Variants in BMP6 observed in about 807,000 individuals in gnomAD.
The protein encoded by BMP6 is VG-1-R.
Under a neutral mutation model 54.1 loss-of-function variants are expected in BMP6, and 17 were observed. The ratio of observed to expected loss-of-function variants is 0.31; its 90% CI spans 0.22 to 0.47. The LOEUF is 0.47. BMP6 is among the 20% of genes least tolerant of loss of function. BMP6 has a pLI of 1.00. For missense variants in BMP6, 720 were observed against 690.4 expected, an observed-to-expected ratio of 1.04 and a Z score of -0.48; for synonymous variants, 328 against 291.2, an observed-to-expected ratio of 1.13 and a Z score of -1.28.
intron 1 of BMP6, among the ~76,000 whole-genome samples, chr6:7,786,931 G>A (rs192863588): frequency 9.2e-5 from 14 of 152,256 alleles, no homozygotes; most frequent in Non-Finnish European, 1.9e-4. Context: ...AGGAAGAGCA[G>A]GAATAATTAA....
chr6:7,834,785 C>G (rs1358957182), intron 1 of BMP6, among the ~76,000 whole-genome samples: 1 of 152,230 alleles, frequency 6.6e-6, no homozygotes, highest in Admixed American at 6.5e-5. Context: ...TTACCTAAAT[C>G]TAGTCCAGAG....
chr6:7,774,958 C>T (rs1757842487), intron 1 of BMP6, among the ~76,000 whole-genome samples: 1 of 152,218 alleles, frequency 6.6e-6, no homozygotes, highest in East Asian at 1.9e-4. Flanking sequence ...GGTGGAATGG[C>T]AAGAGAACAC....
intron 1 of BMP6, among the ~76,000 whole-genome samples, chr6:7,784,814 C>G (rs1757998339): frequency 6.6e-6 from 1 of 152,148 alleles, no homozygotes; most frequent in Non-Finnish European, 1.5e-5. Context: ...GACCAGCTGT[C>G]CCCAAGGAGC....
At chr6:7,779,769 T>C (rs1757914641) in intron 1 of BMP6, among the ~76,000 whole-genome samples, 1 of 152,170 alleles carries the variant, frequency 6.6e-6, no homozygotes, top group Non-Finnish European at 1.5e-5. Context: ...CCATTATTCT[T>C]ATTTTAGAGA....
At chr6:7,814,785 A>G (rs1437811317) in intron 1 of BMP6, among the ~76,000 whole-genome samples, 1 of 152,144 alleles carries the variant, frequency 6.6e-6, no homozygotes, top group Admixed American at 6.5e-5. Context: ...ACACATGGAC[A>G]CAAGGAGGGG....
chr6:7,735,151 C>T (rs760052096), intron 1 of BMP6, among the ~76,000 whole-genome samples: 16 of 152,254 alleles, frequency 1.1e-4, no homozygotes, highest in Non-Finnish European at 1.3e-4. Flanking sequence ...CCACCCTGAC[C>T]TCCGATATCC....
At chr6:7,735,904 T>C in intron 1 of BMP6, among the ~76,000 whole-genome samples, 1 of 152,214 alleles carries the variant, frequency 6.6e-6, no homozygotes, top group Non-Finnish European at 1.5e-5. Context: ...GTGGAGAAGC[T>C]GTACATTAAA....
At position 7,730,921 on chromosome 6, in the gene BMP6, A is replaced by C. The variant is rs1263858438; in HGVS notation, c.664+3302A>C. Among the ~76,000 whole-genome samples the C allele has an allele frequency of 3.9e-5, 6 of 152,344 alleles. No homozygotes were observed. The East Asian group carries it at 5.8e-4, about 15-fold the overall frequency. ...AAGGGAAAGTATTACATAGTTGTAAACATCCGACTTCCCTGGGACTGGGGG... is the reference window on the plus strand; with the variant it reads ...AAGGGAAAGTATTACATAGTTGTAACCATCCGACTTCCCTGGGACTGGGGG... On this transcript the variant is annotated intron_variant, in intron 1 of 6. Transcript: ENST00000283147.
chr6:7,755,889 C>A (rs901293564), intron 1 of BMP6, among the ~76,000 whole-genome samples: 1 of 152,074 alleles, frequency 6.6e-6, no homozygotes, highest in Non-Finnish European at 1.5e-5. Context: ...CCCTGGATGG[C>A]CTGATGACAT....
At chr6:7,774,002 C>T (rs1484173768) in intron 1 of BMP6, among the ~76,000 whole-genome samples, 1 of 152,202 alleles carries the variant, frequency 6.6e-6, no homozygotes, top group Admixed American at 6.5e-5. Context: ...CTGTTATTTC[C>T]AGAGAGACGT....
At chr6:7,759,524 G>T (rs1483471559) in intron 1 of BMP6, among the ~76,000 whole-genome samples, 1 of 151,924 alleles carries the variant, frequency 6.6e-6, no homozygotes, top group Non-Finnish European at 1.5e-5. Context: ...TGCCTCATCA[G>T]CAAAACACAT....
chr6:7,833,621 A>G (rs2113238694), intron 1 of BMP6, among the ~76,000 whole-genome samples: 1 of 152,356 alleles, frequency 6.6e-6, no homozygotes. Context: ...ACTGAGTAGC[A>G]CAGGGAAGCC....
intron 1 of BMP6, among the ~76,000 whole-genome samples, chr6:7,807,470 G>A (rs549084336): frequency 2.0e-5 from 3 of 152,008 alleles, no homozygotes; most frequent in Non-Finnish European, 4.4e-5. Context: ...TAGTAGAGAC[G>A]GGGTTTCACC....
intron 1 of BMP6, among the ~76,000 whole-genome samples, chr6:7,806,159 A>G (rs1480478234): frequency 6.6e-6 from 1 of 152,270 alleles, no homozygotes; most frequent in Non-Finnish European, 1.5e-5. Context: ...GACATGGGGC[A>G]AGCACTGCTC....
At chr6:7,822,084 G>T (rs560360515) in intron 1 of BMP6, among the ~76,000 whole-genome samples, 1 of 151,808 alleles carries the variant, frequency 6.6e-6, no homozygotes, top group African/African-American at 2.4e-5. Context: ...GCAATGACAC[G>T]ATCTCGGCTG....
In BMP6 at chr6:7,823,474, G is replaced by A. The variant is rs369106021; in HGVS notation, c.665-21666G>A. Among the ~76,000 whole-genome samples the A allele has an allele frequency of 3.9e-5, 6 of 152,280 alleles. No individual in the cohort carries two copies. The South Asian group carries it at 6.2e-4, about 16-fold the overall frequency. On this transcript the variant is annotated intron_variant, in intron 1 of 6. Coordinates refer to ENST00000283147, the MANE Select transcript of BMP6 (RefSeq NM_001718.6). The stretch of plus-strand genomic sequence containing the variant: ...CACGAACTTCTTGCACTCATGAAAC[G>A]TGCATTCTAGTGGAAGAGGTAACAA...
intron 4 of BMP6, among the ~76,000 whole-genome samples, chr6:7,863,164 A>G (rs1759363890): frequency 6.6e-6 from 1 of 151,984 alleles, no homozygotes; most frequent in Non-Finnish European, 1.5e-5. Context: ...ACGCCTGGCT[A>G]ATTTTTTGTA....
Position 7,825,668 on chromosome 6 carries a change from C to T in BMP6, c.665-19472C>T, listed in dbSNP as rs564675149. Among the ~76,000 whole-genome samples, 40 of 150,750 alleles carry T rather than the reference C, an allele frequency of 2.7e-4. 1 individual carries two copies. In the South Asian group the frequency reaches 7.2e-3, roughly 27 times the overall value. On this transcript the variant is annotated intron_variant, in intron 1 of 6. Transcript: ENST00000283147. ...CCGGGAGGCAGAGATTGCAGTGAGT[C>T]GAGATTGTGTCATTGCGCTCCAGCC...
intron 2 of BMP6, among the ~76,000 whole-genome samples, chr6:7,858,157 A>G (rs944672462): frequency 1.2e-4 from 18 of 152,136 alleles, no homozygotes; most frequent in Non-Finnish European, 2.2e-4. Flanking sequence ...ATCATGGCTC[A>G]CTGCAGCCTC....
Sources: allele counts gnomAD v4.1 joint callset (sites outside exome capture counted in the v4.1 genomes callset), GRCh38; gene constraint gnomAD v4.1.1; transcripts MANE v1.5; gene names NCBI Gene and HGNC (gene_info 2026-07-23, HGNC 2026-07-21).